Variants in QTMAN observed in about 807,000 individuals in gnomAD.
QTMAN encodes queuosine-tRNA mannosyltransferase.
chr2:144,245,260 G>A, the QTMAN span, among the ~76,000 whole-genome samples: 25 of 152,122 alleles, frequency 1.6e-4, no homozygotes, highest in African/African-American at 5.8e-4. Context: ...TATGTCATAT[G>A]GTACATCTTT....
chr2:144,254,695 T>G, the QTMAN span, among the ~76,000 whole-genome samples: 1 of 152,124 alleles, frequency 6.6e-6, no homozygotes, highest in East Asian at 1.9e-4. Context: ...TAGCAACAGC[T>G]TGCACTGTGT....
chr2:144,072,759 A>G, the QTMAN span, among the ~76,000 whole-genome samples: 1 of 152,206 alleles, frequency 6.6e-6, no homozygotes, highest in Non-Finnish European at 1.5e-5. Flanking sequence ...TGACAGGCTT[A>G]GGGTCTTTGT....
At chr2:144,177,716 G>A in the QTMAN span, among the ~76,000 whole-genome samples, 1 of 152,058 alleles carries the variant, frequency 6.6e-6, no homozygotes, top group Non-Finnish European at 1.5e-5. Flanking sequence ...TAGAAAATCA[G>A]TTCCATATAT....
chr2:144,245,952 CCT>C, the QTMAN span, among the ~76,000 whole-genome samples: 2 of 152,132 alleles, frequency 1.3e-5, no homozygotes. Context: ...TGTTCTCTCT[CCT>C]TTTAATCCTT....
At chr2:144,035,619 A>G in the QTMAN span, among the ~76,000 whole-genome samples, 1 of 152,190 alleles carries the variant, frequency 6.6e-6, no homozygotes, top group Non-Finnish European at 1.5e-5. Context: ...ATCAATTCAC[A>G]AGGGAATTTA....
the QTMAN span, among the ~76,000 whole-genome samples, chr2:143,987,211 A>T: frequency 6.6e-6 from 1 of 152,192 alleles, no homozygotes; most frequent in African/African-American, 2.4e-5. Flanking sequence ...TCAAGGTGCC[A>T]CCAACTTCAC....
the QTMAN span, among the ~76,000 whole-genome samples, chr2:144,231,832 AGAAT>A: frequency 6.7e-6 from 1 of 149,302 alleles, no homozygotes. Flanking sequence ...CACTATACAC[AGAAT>A]GAAAGAGGTG....
chr2:144,239,149 A>G, the QTMAN span, among the ~76,000 whole-genome samples: 9 of 151,826 alleles, frequency 5.9e-5, no homozygotes, highest in Non-Finnish European at 7.4e-5. Context: ...AGACAGATAT[A>G]CGCACTGTTA....
the QTMAN span, among the ~76,000 whole-genome samples, chr2:144,274,503 T>C: frequency 2.6e-5 from 4 of 152,208 alleles, no homozygotes; most frequent in African/African-American, 9.6e-5. Flanking sequence ...GGTCTGAACG[T>C]TGATTGAGTT....
At chr2:144,059,817 C>T in the QTMAN span, among the ~76,000 whole-genome samples, 9 of 152,146 alleles carry the variant, frequency 5.9e-5, no homozygotes, top group Non-Finnish European at 1.3e-4. Context: ...GCTCGTCCCC[C>T]TATTGGCCTT....
the QTMAN span, among the ~76,000 whole-genome samples, chr2:144,300,638 T>C: frequency 3.9e-5 from 6 of 152,246 alleles, no homozygotes; most frequent in South Asian, 2.1e-4. Flanking sequence ...AAAAGAAAGC[T>C]TGAGGTCTGA....
At chr2:143,942,695 C>T in the QTMAN span, 2 of 167,100 alleles carry the variant, frequency 1.2e-5, no homozygotes, top group African/African-American at 4.8e-5. Flanking sequence ...GAAACAGGAA[C>T]CTGTGGCCAG....
chr2:144,226,939 C>T, the QTMAN span, among the ~76,000 whole-genome samples: 1 of 152,088 alleles, frequency 6.6e-6, no homozygotes, highest in Admixed American at 6.5e-5. Flanking sequence ...CCTTCTAAGA[C>T]AGTCAAGGGC....
At chr2:144,280,460 G>C in the QTMAN span, among the ~76,000 whole-genome samples, 1 of 152,166 alleles carries the variant, frequency 6.6e-6, no homozygotes, top group Non-Finnish European at 1.5e-5. Context: ...ACAAAAGGCA[G>C]TGCAGGATTT....
chr2:144,329,027 G>A, the QTMAN span, among the ~76,000 whole-genome samples: 1 of 152,192 alleles, frequency 6.6e-6, no homozygotes, highest in South Asian at 2.1e-4. Context: ...GGGAAGCCAA[G>A]GCGGGCGATC....
the QTMAN span, among the ~76,000 whole-genome samples, chr2:144,016,878 G>T: frequency 2.0e-5 from 3 of 152,124 alleles, no homozygotes; most frequent in East Asian, 5.8e-4. Flanking sequence ...CAGAGAAGGA[G>T]ATACTATATT....
chr2:144,181,560 C>T, the QTMAN span, among the ~76,000 whole-genome samples: 1 of 152,112 alleles, frequency 6.6e-6, no homozygotes, highest in South Asian at 2.1e-4. Flanking sequence ...TGCCTGTAAT[C>T]TCAGCACTTT....
the QTMAN span, among the ~76,000 whole-genome samples, chr2:144,185,571 T>C: frequency 1.3e-5 from 2 of 152,210 alleles, no homozygotes; most frequent in Non-Finnish European, 2.9e-5. Context: ...AAGATTACCA[T>C]GTTTGATAAC....
At chr2:144,128,777 CT>C in the QTMAN span, among the ~76,000 whole-genome samples, 8 of 151,848 alleles carry the variant, frequency 5.3e-5, no homozygotes, top group Non-Finnish European at 1.2e-4. Flanking sequence ...TAATTCTATT[CT>C]TTCATTAAAA....
Sources: gnomAD v4.1 joint callset for allele counts (sites outside exome capture counted in the v4.1 genomes callset) on GRCh38, gnomAD v4.1.1 for gene constraint, MANE v1.5 for transcripts, NCBI Gene and HGNC (gene_info 2026-07-23, HGNC 2026-07-21) for gene names.